The following ABCA8 variants were observed in gnomAD, a reference collection of about 807,000 sequenced individuals.
ABCA8 encodes ABC-type organic anion transporter ABCA8.
In ABCA8, 177 loss-of-function variants were observed where a neutral mutation model predicts 192.3. The observed-to-expected ratio is 0.92, with a 90% CI of 0.81 to 1.04. The LOEUF is 1.04. Ranked by LOEUF, ABCA8 falls within the 50% of genes least tolerant of loss-of-function variation. The pLI, the probability that ABCA8 is intolerant of heterozygous loss-of-function variation, is 0.00. For missense variants in ABCA8, 1,915 were observed against 1,904.8 expected, an observed-to-expected ratio of 1.01 and a Z score of -0.10; for synonymous variants, 642 against 690.2, an observed-to-expected ratio of 0.93 and a Z score of 1.09.
In ABCA8 at chr17:68,907,897, A is replaced by G. The variant is rs201773566; in HGVS notation, c.2139-18T>C. The stretch of plus-strand genomic sequence containing the variant: ...ACTGCAAGCTGGCATTCAGAAAAAA[A>G]AAAAAAGACATATGTTACTCGACAT... On this transcript the variant is annotated intron_variant, in intron 17 of 39. Coordinates refer to ENST00000586539, the MANE Select transcript of ABCA8 (RefSeq NM_001288985.2). The G allele has an allele frequency of 4.5e-6, 7 of 1,567,198 alleles. No homozygotes were observed. The highest frequency in any genetic ancestry group is 2.5e-5 in the South Asian group (2 of 81,376).
Position 68,917,352 on chromosome 17 carries a change from T to G in ABCA8, c.2138+9A>C. On this transcript the variant is annotated intron_variant, in intron 17 of 39. Coordinates refer to ENST00000586539, the MANE Select transcript of ABCA8 (RefSeq NM_001288985.2). ...TAGATCTACTCCCAGCCTTCTTAAG[T>G]GACCTTACCTTAAGTGATATCCAAT... 1.9e-6 allele frequency: 3 copies of G among 1,586,870 alleles called. No homozygotes were observed. Among genetic ancestry groups the G allele is most frequent in the South Asian group, 1.1e-5 (1 of 88,688 alleles).
chr17:68,899,558 A>G (rs1430848149), intron 21 of ABCA8, among the ~76,000 whole-genome samples: 1 of 152,094 alleles, frequency 6.6e-6, no homozygotes, highest in African/African-American at 2.4e-5. Flanking sequence ...AAGTTATAAC[A>G]TTTATAAACG....
chr17:68,875,290 C>T lies in ABCA8; in HGVS notation c.4601G>A (p.Arg1534Lys). Residue 1534 changes from arginine (R) to lysine (K), a missense_variant, in exon 37 of 40, where the codon AGG (arginine) becomes AAG (lysine). Transcript: ENST00000586539. Reference protein sequence around the residue: ...QVEPLHAEILRLFPQAARQER... With the variant: ...QVEPLHAEILKLFPQAARQER... ...CTGCCGAGCAGCCTGGGGGAAAAGC[C>T]TCAGGATCTCTGCATGGAGGGGCTC... The T allele has an allele frequency of 6.2e-7, 1 of 1,614,032 alleles. No homozygotes were observed.
Position 68,918,193 on chromosome 17 carries a change from C to T in ABCA8, c.1909-8G>A. 10 of 1,613,918 alleles carry T rather than the reference C, an allele frequency of 6.2e-6. No homozygotes were observed. Among genetic ancestry groups the T allele is most frequent in the East Asian group, 2.2e-5 (1 of 44,872 alleles). On this transcript the variant is annotated splice_region_variant and splice_polypyrimidine_tract_variant and intron_variant, in intron 15 of 39. Coordinates refer to ENST00000586539, the MANE Select transcript of ABCA8 (RefSeq NM_001288985.2). Reference sequence around the variant, plus strand: ...TTCATCCAACAGGAAAATCTATAAACGAGGAAAGTATATAAGGCGGTTTTC... The same window carrying T: ...TTCATCCAACAGGAAAATCTATAAATGAGGAAAGTATATAAGGCGGTTTTC...
In ABCA8 at chr17:68,903,514, A is replaced by G. The variant is rs2066968850; in HGVS notation, c.2399-15T>C. The G allele has an allele frequency of 1.2e-6, 2 of 1,613,146 alleles. No individual in the cohort carries two copies. The highest frequency in any genetic ancestry group is 1.1e-5 in the South Asian group (1 of 91,052). ...AATAGCAATGTCTGCAAAACATAAA[A>G]TAAGCAACTCATATGTACTTTATTG... On this transcript the variant is annotated splice_polypyrimidine_tract_variant and intron_variant, in intron 19 of 39. Transcript: ENST00000586539.
At chr17:68,886,284 A>G (rs1239705099) in intron 26 of ABCA8, among the ~76,000 whole-genome samples, 1 of 151,904 alleles carries the variant, frequency 6.6e-6, no homozygotes, top group Non-Finnish European at 1.5e-5. Context: ...CCATGATTTT[A>G]TTTTTTGCCA....
At chr17:68,937,211 G>A (rs1359245236) in intron 4 of ABCA8, 96 bp from the exon 5 acceptor site, 25 of 1,041,132 alleles carry the variant, frequency 2.4e-5, no homozygotes, top group African/African-American at 1.7e-5. Flanking sequence ...GTTTTCTATG[G>A]AAATAAAACA....
At chr17:68,954,947 C>G (rs143663981) in intron 1 of ABCA8, among the ~76,000 whole-genome samples, 62 of 152,262 alleles carry the variant, frequency 4.1e-4, no homozygotes, top group African/African-American at 1.5e-3. Flanking sequence ...TTTCTACACT[C>G]AGTTATGTTT....
Position 68,910,970 on chromosome 17 carries a change from G to T in ABCA8, c.2139-3091C>A, listed in dbSNP as rs74252545. The stretch of plus-strand genomic sequence containing the variant: ...AGTACTTGCCACAGGCCTTGGGTGA[G>T]GCCCAGTGCTCTGCTGGCTTCAGGT... On this transcript the variant is annotated intron_variant, in intron 17 of 39. Transcript: ENST00000586539. Among the ~76,000 whole-genome samples, 302 of 152,090 alleles carry T rather than the reference G, an allele frequency of 2.0e-3. 6 individuals are homozygous for T. The East Asian group carries it at 0.051, about 26-fold the overall frequency.
In ABCA8 at chr17:68,913,414, A is replaced by C. The variant is rs184628884; in HGVS notation, c.2138+3947T>G. On this transcript the variant is annotated intron_variant, in intron 17 of 39. Coordinates refer to ENST00000586539, the MANE Select transcript of ABCA8 (RefSeq NM_001288985.2). ...ATAAACATCAGAGCAGAAATAAATA[A>C]AATTGAAATGAAATAAACAATACAA... Among the ~76,000 whole-genome samples the C allele has an allele frequency of 1.6e-3, 250 of 152,208 alleles. 3 individuals carry two copies. The highest frequency in any genetic ancestry group is 5.9e-3 in the African/African-American group (245 of 41,566).
intron 17 of ABCA8, among the ~76,000 whole-genome samples, chr17:68,908,394 T>C (rs972815720): frequency 2.6e-5 from 4 of 152,206 alleles, no homozygotes; most frequent in Admixed American, 2.6e-4. Flanking sequence ...GTTCTTAGTA[T>C]GTGACAAACA....
rs953272178 is a variant in ABCA8 at position 68,921,836 on chromosome 17, T to C, written c.1502-344A>G. Among the ~76,000 whole-genome samples the C allele has an allele frequency of 5.3e-5, 8 of 152,128 alleles. 1 individual carries two copies. Among genetic ancestry groups the C allele is most frequent in the African/African-American group, 1.9e-4 (8 of 41,442 alleles). ...AATAGATTAATAGTAAGTTATTACA[T>C]GGCTAAAACTCCTTTGAGGTAAGTG... On this transcript the variant is annotated intron_variant, in intron 12 of 39. Coordinates refer to ENST00000586539, the MANE Select transcript of ABCA8 (RefSeq NM_001288985.2).
At chr17:68,891,069 GT>G (rs1483649610) in intron 24 of ABCA8, among the ~76,000 whole-genome samples, 2 of 152,070 alleles carry the variant, frequency 1.3e-5, no homozygotes, top group Non-Finnish European at 2.9e-5. Flanking sequence ...CCCTATTTAA[GT>G]TATTTGGTAA....
At position 68,867,632 on chromosome 17, in the gene ABCA8, C is replaced by G. The variant is rs569709753; in HGVS notation, c.*453G>C. The G allele has an allele frequency of 6.6e-6, 1 of 152,392 alleles. No homozygotes were observed. The highest frequency in any genetic ancestry group is 2.1e-4 in the South Asian group (1 of 4,826). 9.4% of individuals were successfully genotyped at this position (152,392 alleles called of 1,614,324 possible). ...TTAGCAATAAGAAGCACACTTAAAT[C>G]TATTTCAAAAATATGACATGTTAAA... On this transcript the variant is annotated 3_prime_UTR_variant, in exon 40 of 40. Coordinates refer to ENST00000586539, the MANE Select transcript of ABCA8 (RefSeq NM_001288985.2).
At chr17:68,942,307 C>A (rs1338667889) in intron 2 of ABCA8, among the ~76,000 whole-genome samples, 1 of 152,154 alleles carries the variant, frequency 6.6e-6, no homozygotes, top group African/African-American at 2.4e-5. Context: ...GCATAGCCTG[C>A]TCTATAAAAA....
In ABCA8 at chr17:68,902,758, G is replaced by T. The variant is rs1197255993; in HGVS notation, c.2719C>A (p.Gln907Lys). 12 of 1,613,626 alleles carry T rather than the reference G, an allele frequency of 7.4e-6. No homozygotes were observed. Among genetic ancestry groups the T allele is most frequent in the African/African-American group, 1.3e-5 (1 of 74,906 alleles). Residue 907 changes from glutamine to lysine, a missense_variant, in exon 21 of 40, where the codon CAA (glutamine) becomes AAA (lysine). Transcript: ENST00000586539. ...AGTTGAGTGAGAGGGTCATGTGGTT[G>T]TTGTCCAGGAGCAAGGAAATACAAA... ...PHLYFLAPGQQPHDPLTQLLI... is the reference protein window; with the variant it reads ...PHLYFLAPGQKPHDPLTQLLI...
chr17:68,921,534 G>A (rs758576765), intron 12 of ABCA8, 42 bp from the exon 13 acceptor site: 2 of 1,334,848 alleles, frequency 1.5e-6, no homozygotes, highest in Non-Finnish European at 2.1e-6. Context: ...AAGATAAAGG[G>A]ATGGAAAACA....
chr17:68,893,584 TTTCC>T (rs1292399096), intron 23 of ABCA8, among the ~76,000 whole-genome samples: 3 of 149,412 alleles, frequency 2.0e-5, no homozygotes, highest in Non-Finnish European at 4.5e-5. Context: ...TCCTTTGTTC[TTTCC>T]TTCCTTCATT....
At chr17:68,880,013 C>T (rs1047572645) in intron 32 of ABCA8, 6 of 152,128 alleles carry the variant, frequency 3.9e-5, no homozygotes, top group Non-Finnish European at 7.4e-5. Flanking sequence ...TTCAAGCCAC[C>T]TTCAAGCTTC....
Sources: gnomAD v4.1 joint callset for allele counts (sites outside exome capture counted in the v4.1 genomes callset) on GRCh38, gnomAD v4.1.1 for gene constraint, MANE v1.5 for transcripts, NCBI Gene and HGNC (gene_info 2026-07-23, HGNC 2026-07-21) for gene names.